Variants in HHIP observed in about 807,000 individuals in gnomAD.
The protein encoded by HHIP is hedgehog interacting protein, also known as hedgehog-interacting protein.
Under a neutral mutation model 74.0 loss-of-function variants are expected in HHIP, and 12 were observed. The observed-to-expected ratio is 0.16, with a 90% CI of 0.10 to 0.26. HHIP has a LOEUF of 0.26. Ranked by LOEUF, HHIP falls within the 10% of genes least tolerant of loss-of-function variation. The pLI is 1.00. For missense variants in HHIP, 788 were observed against 845.0 expected (o/e 0.93, Z 0.84); for synonymous variants, 309 against 311.6 (o/e 0.99, Z 0.09).
At chr4:144,733,946 G>A (rs1322974616) in intron 11 of HHIP, among the ~76,000 whole-genome samples, 2 of 152,022 alleles carry the variant, frequency 1.3e-5, no homozygotes, top group Non-Finnish European at 2.9e-5. Context: ...TAAAATCTAT[G>A]ACTTTTTACA....
intron 4 of HHIP, among the ~76,000 whole-genome samples, chr4:144,678,892 G>T (rs1729250877): frequency 6.6e-6 from 1 of 151,788 alleles, no homozygotes. Flanking sequence ...ATCCTTAGGG[G>T]TTTATAATGG....
Position 144,744,335 on chromosome 4 carries a change from G to C in HHIP, c.*6378G>C, listed in dbSNP as rs952103330. On this transcript the variant is annotated 3_prime_UTR_variant, in exon 13 of 13. Coordinates refer to ENST00000296575, the MANE Select transcript of HHIP (RefSeq NM_022475.3). Reference sequence around the variant, plus strand: ...TTTATTTTGTCCAGTATTAAGGAATGGTTATCTTTATCATTCTTCTAACAT... The same window carrying C: ...TTTATTTTGTCCAGTATTAAGGAATCGTTATCTTTATCATTCTTCTAACAT... 1.3e-5 allele frequency: 2 copies of C among 152,110 alleles called. No homozygotes were observed. Among genetic ancestry groups the C allele is most frequent in the African/African-American group, 2.4e-5 (1 of 41,408 alleles). 9.4% of individuals were successfully genotyped at this position (152,110 alleles called of 1,614,324 possible).
At chr4:144,657,471 CAGA>C (rs1419791591) in intron 2 of HHIP, among the ~76,000 whole-genome samples, 1 of 151,708 alleles carries the variant, frequency 6.6e-6, no homozygotes. Flanking sequence ...AGTATAAGAC[CAGA>C]AGCAGCAATT....
At chr4:144,675,367 C>G (rs1729143645) in intron 4 of HHIP, among the ~76,000 whole-genome samples, 1 of 152,002 alleles carries the variant, frequency 6.6e-6, no homozygotes, top group Non-Finnish European at 1.5e-5. Flanking sequence ...ATCTTGCTAA[C>G]TTTGTTGTCT....
At position 144,646,602 on chromosome 4, in the gene HHIP, C is replaced by A; in HGVS notation, c.-74C>A. ...CCCGCAAACTCCTCCTGGAGCTGCG[C>A]CCTAGTGCCCCTGCTGGGCAGTGGC... is the stretch of plus-strand genomic sequence containing the variant. On this transcript the variant is annotated 5_prime_UTR_variant, in exon 1 of 13. Coordinates refer to ENST00000296575, the MANE Select transcript of HHIP (RefSeq NM_022475.3). 6.7e-7 allele frequency: 1 copy of A among 1,491,378 alleles called. No individual in the cohort carries two copies. Among genetic ancestry groups the A allele is most frequent in the Non-Finnish European group, 9.1e-7 (1 of 1,096,540 alleles). 92.4% of individuals were successfully genotyped at this position (1,491,378 alleles called of 1,614,324 possible).
chr4:144,734,930 G>A (rs751843057), intron 12 of HHIP, 41 bp downstream of exon 12: 2 of 1,559,278 alleles, frequency 1.3e-6, no homozygotes, highest in African/African-American at 1.4e-5. Context: ...CTGGGGATGA[G>A]CCAATCCTTA....
intron 4 of HHIP, among the ~76,000 whole-genome samples, chr4:144,705,508 G>T (rs1388732465): frequency 1.3e-5 from 2 of 152,156 alleles, no homozygotes; most frequent in African/African-American, 4.8e-5. Context: ...TCTATGCCAT[G>T]TTTTTCTCCG....
At chr4:144,650,990 A>C (rs1262408166) in intron 1 of HHIP, 19 of 152,114 alleles carry the variant, frequency 1.2e-4, no homozygotes, top group Admixed American at 1.2e-3. Flanking sequence ...CCAGCAAAAG[A>C]GGTGCCTTCA....
chr4:144,656,087 G>A (rs956043127), intron 2 of HHIP, among the ~76,000 whole-genome samples: 7 of 152,120 alleles, frequency 4.6e-5, no homozygotes, highest in African/African-American at 1.7e-4. Context: ...CAAACAAAAG[G>A]GAGCCCTGGC....
intron 4 of HHIP, among the ~76,000 whole-genome samples, chr4:144,689,589 G>T (rs1288181235): frequency 6.6e-6 from 1 of 152,088 alleles, no homozygotes; most frequent in African/African-American, 2.4e-5. Context: ...TTTTTGCCTG[G>T]AGCACTGCTT....
chr4:144,659,965 A>C (rs771887230), intron 4 of HHIP, 127 bp downstream of exon 4: 7 of 672,474 alleles, frequency 1.0e-5, no homozygotes, highest in Non-Finnish European at 1.5e-5. Context: ...TAAGGGGGCA[A>C]CATAAGAAAC....
intron 11 of HHIP, among the ~76,000 whole-genome samples, chr4:144,727,975 T>C (rs1730846961): frequency 6.6e-6 from 1 of 152,236 alleles, no homozygotes; most frequent in Middle Eastern, 3.2e-3. Flanking sequence ...ATACACTTTC[T>C]GATCTTTTAA....
At chr4:144,731,752 T>G (rs1015719610) in intron 11 of HHIP, among the ~76,000 whole-genome samples, 5 of 152,188 alleles carry the variant, frequency 3.3e-5, no homozygotes, top group Non-Finnish European at 7.3e-5. Flanking sequence ...ATTGACTGAC[T>G]ATACAGGATT....
At chr4:144,735,016 C>CTAT in intron 12 of HHIP, 127 bp downstream of exon 12, 1 of 765,500 alleles carries the variant, frequency 1.3e-6, no homozygotes, top group Non-Finnish European at 1.9e-6. Context: ...ATTTACAATA[C>CTAT]TATTAATGCT....
In HHIP at chr4:144,743,022, AATATAT is replaced by A. The variant is rs1490015405; in HGVS notation, c.*5068_*5073del. The A allele has an allele frequency of 1.0e-5, 1 of 96,612 alleles. No individual in the cohort carries two copies. The highest frequency in any genetic ancestry group is 2.1e-5 in the Non-Finnish European group (1 of 46,942). The allele number at this position is 96,612 out of a possible 1,614,324, so 6.0% of individuals were successfully genotyped here. A position where few individuals can be genotyped will look rare whatever the true frequency, so the allele number is the denominator to read the frequency against. The stretch of plus-strand genomic sequence containing the variant: ...TAATATATATATATTATATATATAT[AATATAT>A]ATCTTATATATATATATATCTTAAT... On this transcript the variant is annotated 3_prime_UTR_variant, in exon 13 of 13. Coordinates refer to ENST00000296575, the MANE Select transcript of HHIP (RefSeq NM_022475.3).
At chr4:144,659,485 A>G (rs1445803308) in intron 3 of HHIP, 152 bp from the exon 4 acceptor site, 1 of 472,906 alleles carries the variant, frequency 2.1e-6, no homozygotes, top group Admixed American at 3.6e-5. Context: ...AACCACTTAA[A>G]AGAATTATAT....
intron 8 of HHIP, among the ~76,000 whole-genome samples, chr4:144,713,889 TG>T (rs935018754): frequency 7.2e-5 from 11 of 151,882 alleles, no homozygotes; most frequent in African/African-American, 1.7e-4. Context: ...AAGCCTTAAA[TG>T]TTTTTTTTTT....
At chr4:144,689,957 C>T (rs943285287) in intron 4 of HHIP, among the ~76,000 whole-genome samples, 5 of 152,096 alleles carry the variant, frequency 3.3e-5, no homozygotes, top group Non-Finnish European at 7.4e-5. Flanking sequence ...TACAGGCATG[C>T]ACCATCACGC....
intron 11 of HHIP, among the ~76,000 whole-genome samples, chr4:144,723,261 A>G (rs1730688213): frequency 6.6e-6 from 1 of 152,214 alleles, no homozygotes. Context: ...TGCAAATTCC[A>G]GGCTCGAGAG....
Sources: allele counts gnomAD v4.1 joint callset (sites outside exome capture counted in the v4.1 genomes callset), GRCh38; gene constraint gnomAD v4.1.1; transcripts MANE v1.5; gene names NCBI Gene and HGNC (gene_info 2026-07-23, HGNC 2026-07-21).